Variants in SFN observed in about 807,000 individuals in gnomAD.
SFN encodes the protein 14-3-3 protein sigma.
SFN carries 5 observed loss-of-function variants against 19.1 expected under a neutral mutation model. The observed-to-expected ratio is 0.26, with a 90% CI of 0.14 to 0.55. SFN has a LOEUF of 0.55. SFN is among the 20% of genes least tolerant of loss of function. The probability of loss-of-function intolerance (pLI) is 0.94; values close to 1 mark genes in which losing one functional copy is unlikely to be tolerated. For synonymous variants in SFN, 130 were observed against 140.9 expected (o/e 0.92, Z 0.55); for missense variants, 287 against 330.0 (o/e 0.87, Z 1.01).
Position 26,863,642 on chromosome 1 carries a change from A to G in SFN, c.430A>G (p.Ile144Val), listed in dbSNP as rs1317136406. The change falls in exon 1 of 1, where the codon ATT (isoleucine) becomes GTT (valine). Residue 144 changes from isoleucine to valine, a missense_variant. Transcript: ENST00000339276. The surrounding 1 kb of genome is among the most constrained non-coding windows in gnomAD (Gnocchi z 7.4). ...VATGDDKKRIIDSARSAYQEA... is the reference protein window; with the variant it reads ...VATGDDKKRIVDSARSAYQEA... The stretch of plus-strand genomic sequence containing the variant: ...CACCGGTGACGACAAGAAGCGCATC[A>G]TTGACTCAGCCCGGTCAGCCTACCA... 6 of 1,613,934 alleles carry G rather than the reference A, an allele frequency of 3.7e-6. No homozygotes were observed. The highest frequency in any genetic ancestry group is 3.3e-5 in the Admixed American group (2 of 60,000).
Position 26,863,208 on chromosome 1 carries a change from G to T in SFN, c.-5G>T. On this transcript the variant is annotated 5_prime_UTR_variant, in exon 1 of 1. Transcript: ENST00000339276. This position sits in a 1 kb window ranked among gnomAD's most constrained non-coding sequence, Gnocchi z 7.4. Reference sequence around the variant, plus strand: ...CCCGCCGCCCGCCTGTGTGTCCCCAGAGCCATGGAGAGAGCCAGTCTGATC... The same window carrying T: ...CCCGCCGCCCGCCTGTGTGTCCCCATAGCCATGGAGAGAGCCAGTCTGATC... The T allele has an allele frequency of 4.3e-6, 7 of 1,613,726 alleles. No individual in the cohort carries two copies. The highest frequency in any genetic ancestry group is 5.1e-6 in the Non-Finnish European group (6 of 1,179,914).
Position 26,863,950 on chromosome 1 carries a change from CCA to C in SFN, c.739_740del (p.Gln247GlufsTer68). The C allele has an allele frequency of 6.2e-7, 1 of 1,610,074 alleles. No homozygotes were observed. ...AGGGGGGCGAGGCTCCCCAGGAGCC[CCA>C]GAGCTGAGTGTTGCCCGCCACCGCC... ...EEGGEAPQEPQS is the reference protein window; with the variant it reads ...EEGGEAPQEPXS On this transcript the variant is annotated frameshift_variant, in exon 1 of 1. Coordinates refer to ENST00000339276, the MANE Select transcript of SFN (RefSeq NM_006142.5). LOFTEE classifies it high-confidence loss of function. The surrounding 1 kb of genome is among the most constrained non-coding windows in gnomAD (Gnocchi z 7.4).
chr1:26,864,174 A>C lies in SFN; in HGVS notation c.*215A>C. ...GCACCTAACCACTGGTCATGCCCCC[A>C]CCCCTGCTCTCCGCACCCGCTTCCT... is the stretch of plus-strand genomic sequence containing the variant. On this transcript the variant is annotated 3_prime_UTR_variant, in exon 1 of 1. Transcript: ENST00000339276. This position sits in a 1 kb window ranked among gnomAD's most constrained non-coding sequence, Gnocchi z 5.2. 3.6e-6 allele frequency: 2 copies of C among 550,882 alleles called. No individual in the cohort carries two copies. The highest frequency in any genetic ancestry group is 3.0e-5 in the East Asian group (1 of 32,990). The allele number at this position is 550,882 out of a possible 1,614,324, so 34.1% of individuals were successfully genotyped here.
At position 26,863,828 on chromosome 1, in the gene SFN, C is replaced by T. The variant is rs1462232360; in HGVS notation, c.616C>T (p.His206Tyr). 1 of 1,614,162 alleles carries T rather than the reference C, an allele frequency of 6.2e-7. No homozygotes were observed. Among genetic ancestry groups the T allele is most frequent in the East Asian group, 2.2e-5 (1 of 44,886 alleles). ...TTTCGACGAGGCCATGGCTGATCTG[C>T]ACACCCTCAGCGAGGACTCCTACAA... ...TTFDEAMADL[H>Y]TLSEDSYKDS... The change falls in exon 1 of 1, where the codon CAC becomes TAC. Residue 206 changes from histidine to tyrosine, a missense_variant. Physicochemically the swap from His to Tyr is moderately conservative, Grantham distance 83 (BLOSUM62 2). Coordinates refer to ENST00000339276, the MANE Select transcript of SFN (RefSeq NM_006142.5). The surrounding 1 kb of genome is among the most constrained non-coding windows in gnomAD (Gnocchi z 7.4).
Position 26,863,953 on chromosome 1 carries a change from G to C in SFN, c.741G>C (p.Gln247His). ...GGGGCGAGGCTCCCCAGGAGCCCCA[G>C]AGCTGAGTGTTGCCCGCCACCGCCC... ...EEGGEAPQEPQS is the reference protein window; with the variant it reads ...EEGGEAPQEPHS The change falls in exon 1 of 1, where the codon CAG (glutamine) becomes CAC (histidine). Residue 247 changes from glutamine to histidine, a missense_variant. By Grantham distance (24) the Gln-to-His change is conservative. Transcript: ENST00000339276. This position sits in a 1 kb window ranked among gnomAD's most constrained non-coding sequence, Gnocchi z 7.4. 6.2e-7 allele frequency: 1 copy of C among 1,609,510 alleles called. No homozygotes were observed.
At position 26,863,260 on chromosome 1, in the gene SFN, C is replaced by T. The variant is rs1305468192; in HGVS notation, c.48C>T (p.Ala16=). 3.1e-6 allele frequency: 5 copies of T among 1,614,072 alleles called. No homozygotes were observed. Among genetic ancestry groups the T allele is most frequent in the Non-Finnish European group, 4.2e-6 (5 of 1,180,044 alleles). ...AGAAGGCCAAGCTGGCAGAGCAGGC[C>T]GAACGCTATGAGGACATGGCAGCCT... is the stretch of plus-strand genomic sequence containing the variant. The part of the protein sequence containing the change: ...LIQKAKLAEQ[A]ERYEDMAAFM... Residue 16 remains alanine (A), a synonymous_variant, in exon 1 of 1, where the codon GCC becomes GCT. Coordinates refer to ENST00000339276, the MANE Select transcript of SFN (RefSeq NM_006142.5). The surrounding 1 kb of genome is among the most constrained non-coding windows in gnomAD (Gnocchi z 7.4).
rs2081773615 is a variant in SFN at position 26,863,985 on chromosome 1, G to GC, written c.*31dup. The stretch of plus-strand genomic sequence containing the variant: ...GTGTTGCCCGCCACCGCCCCGCCCT[G>GC]CCCCCTCCAGTCCCCCACCCTGCCG... On this transcript the variant is annotated 3_prime_UTR_variant, in exon 1 of 1. Transcript: ENST00000339276. This position sits in a 1 kb window ranked among gnomAD's most constrained non-coding sequence, Gnocchi z 7.4. 1 of 1,528,176 alleles carries GC rather than the reference G, an allele frequency of 6.5e-7. No homozygotes were observed. Among genetic ancestry groups the GC allele is most frequent in the Non-Finnish European group, 8.8e-7 (1 of 1,134,726 alleles). The allele number at this position is 1,528,176 out of a possible 1,614,324, so 94.7% of individuals were successfully genotyped here.
At position 26,863,710 on chromosome 1, in the gene SFN, C is replaced by T; in HGVS notation, c.498C>T (p.Asn166=). The stretch of plus-strand genomic sequence containing the variant: ...GCAAGAAGGAGATGCCGCCCACCAA[C>T]CCCATCCGCCTGGGCCTGGCCCTGA... ...DISKKEMPPT[N]PIRLGLALNF... is the part of the protein sequence containing the mutation. The change falls in exon 1 of 1, where the codon AAC becomes AAT. Residue 166 remains asparagine, a synonymous_variant. Coordinates refer to ENST00000339276, the MANE Select transcript of SFN (RefSeq NM_006142.5). The surrounding 1 kb of genome is among the most constrained non-coding windows in gnomAD (Gnocchi z 7.4). 1 of 1,614,148 alleles carries T rather than the reference C, an allele frequency of 6.2e-7. No homozygotes were observed. The highest frequency in any genetic ancestry group is 8.5e-7 in the Non-Finnish European group (1 of 1,180,022).
chr1:26,863,495 G>A lies in SFN; in HGVS notation c.283G>A (p.Val95Met), dbSNP rs1338746196. 3.7e-6 allele frequency: 6 copies of A among 1,613,946 alleles called. No individual in the cohort carries two copies. Among genetic ancestry groups the A allele is most frequent in the Non-Finnish European group, 5.1e-6 (6 of 1,180,020 alleles). The change falls in exon 1 of 1, where the codon GTG becomes ATG. Residue 95 changes from valine to methionine, a missense_variant. By Grantham distance (21) the Val-to-Met change is conservative (BLOSUM62 1). Transcript: ENST00000339276. This position sits in a 1 kb window ranked among gnomAD's most constrained non-coding sequence, Gnocchi z 7.4. ...REKVETELQG[V>M]CDTVLGLLDS... ...GAAGGTGGAGACTGAGCTCCAGGGC[G>A]TGTGCGACACCGTGCTGGGCCTGCT...
Position 26,863,355 on chromosome 1 carries a change from A to G in SFN, c.143A>G (p.Tyr48Cys), listed in dbSNP as rs754798184. ...CEERNLLSVA[Y>C]KNVVGGQRAA... ...GAGCGAAACCTGCTCTCAGTAGCCTATAAGAACGTGGTGGGCGGCCAGAGG... is the reference window on the plus strand; with the variant it reads ...GAGCGAAACCTGCTCTCAGTAGCCTGTAAGAACGTGGTGGGCGGCCAGAGG... Residue 48 changes from tyrosine (Y) to cysteine (C), a missense_variant, in exon 1 of 1, where the codon TAT (tyrosine) becomes TGT (cysteine). By Grantham distance (194) the Tyr-to-Cys change is radical (BLOSUM62 -2). Transcript: ENST00000339276. This position sits in a 1 kb window ranked among gnomAD's most constrained non-coding sequence, Gnocchi z 7.4. 4 of 1,614,118 alleles carry G rather than the reference A, an allele frequency of 2.5e-6. No individual in the cohort carries two copies. Among genetic ancestry groups the G allele is most frequent in the South Asian group, 2.2e-5 (2 of 91,080 alleles).
Position 26,863,399 on chromosome 1 carries a change from T to C in SFN, c.187T>C (p.Ser63Pro), listed in dbSNP as rs777455603. ...GGQRAAWRVL[S>P]SIEQKSNEEG... ...CCAGAGGGCTGCCTGGAGGGTGCTGTCCAGTATTGAGCAGAAAAGCAACGA... is the reference window on the plus strand; with the variant it reads ...CCAGAGGGCTGCCTGGAGGGTGCTGCCCAGTATTGAGCAGAAAAGCAACGA... The change falls in exon 1 of 1, where the codon TCC becomes CCC. Residue 63 changes from serine to proline, a missense_variant. Coordinates refer to ENST00000339276, the MANE Select transcript of SFN (RefSeq NM_006142.5). The surrounding 1 kb of genome is among the most constrained non-coding windows in gnomAD (Gnocchi z 7.4). 1 of 1,613,934 alleles carries C rather than the reference T, an allele frequency of 6.2e-7. No individual in the cohort carries two copies. The highest frequency in any genetic ancestry group is 1.7e-5 in the Admixed American group (1 of 60,002).
In SFN at chr1:26,863,303, G is replaced by C. The variant is rs368467494; in HGVS notation, c.91G>C (p.Glu31Gln). 14 of 1,614,102 alleles carry C rather than the reference G, an allele frequency of 8.7e-6. No individual in the cohort carries two copies. The highest frequency in any genetic ancestry group is 1.3e-5 in the African/African-American group (1 of 74,950). Reference sequence around the variant, plus strand: ...GGCAGCCTTCATGAAAGGCGCCGTGGAGAAGGGCGAGGAGCTCTCCTGCGA... The same window carrying C: ...GGCAGCCTTCATGAAAGGCGCCGTGCAGAAGGGCGAGGAGCTCTCCTGCGA... ...DMAAFMKGAV[E>Q]KGEELSCEER... Residue 31 changes from glutamate (E) to glutamine (Q), a missense_variant, in exon 1 of 1, where the codon GAG becomes CAG. By Grantham distance (29) the Glu-to-Gln change is conservative. Transcript: ENST00000339276. This position sits in a 1 kb window ranked among gnomAD's most constrained non-coding sequence, Gnocchi z 7.4.
In SFN at chr1:26,863,783, A is replaced by G. The variant is rs568387371; in HGVS notation, c.571A>G (p.Ile191Val). 9.3e-6 allele frequency: 15 copies of G among 1,613,548 alleles called. No individual in the cohort carries two copies. In the East Asian group the frequency reaches 3.1e-4, roughly 34 times the overall value. The change falls in exon 1 of 1, where the codon ATC becomes GTC. Residue 191 changes from isoleucine to valine, a missense_variant. By Grantham distance (29) the Ile-to-Val change is conservative. Transcript: ENST00000339276. This position sits in a 1 kb window ranked among gnomAD's most constrained non-coding sequence, Gnocchi z 7.4. The part of the protein sequence containing the change: ...YEIANSPEEA[I>V]SLAKTTFDEA... ...GATCGCCAACAGCCCCGAGGAGGCC[A>G]TCTCTCTGGCCAAGACCACTTTCGA...
In SFN at chr1:26,863,583, A is replaced by C; in HGVS notation, c.371A>C (p.Lys124Thr). ...AGCCGGGTCTTCTACCTGAAGATGA[A>C]GGGTGACTACTACCGCTACCTGGCC... ...AESRVFYLKM[K>T]GDYYRYLAEV... Residue 124 changes from lysine to threonine, a missense_variant, in exon 1 of 1, where the codon AAG (lysine) becomes ACG (threonine). Lys to Thr is a moderately conservative substitution (Grantham distance 78, BLOSUM62 -1). Coordinates refer to ENST00000339276, the MANE Select transcript of SFN (RefSeq NM_006142.5). The surrounding 1 kb of genome is among the most constrained non-coding windows in gnomAD (Gnocchi z 7.4). 2 of 1,614,060 alleles carry C rather than the reference A, an allele frequency of 1.2e-6. No individual in the cohort carries two copies. The highest frequency in any genetic ancestry group is 3.3e-5 in the Admixed American group (2 of 60,018).
chr1:26,863,714 A>C lies in SFN; in HGVS notation c.502A>C (p.Ile168Leu). The change falls in exon 1 of 1, where the codon ATC (isoleucine) becomes CTC (leucine). Residue 168 changes from isoleucine (I) to leucine (L), a missense_variant. By Grantham distance (5) the Ile-to-Leu change is conservative. Coordinates refer to ENST00000339276, the MANE Select transcript of SFN (RefSeq NM_006142.5). This position sits in a 1 kb window ranked among gnomAD's most constrained non-coding sequence, Gnocchi z 7.4. Reference sequence around the variant, plus strand: ...GAAGGAGATGCCGCCCACCAACCCCATCCGCCTGGGCCTGGCCCTGAACTT... The same window carrying C: ...GAAGGAGATGCCGCCCACCAACCCCCTCCGCCTGGGCCTGGCCCTGAACTT... ...SKKEMPPTNP[I>L]RLGLALNFSV... 6.2e-7 allele frequency: 1 copy of C among 1,613,772 alleles called. No individual in the cohort carries two copies. Among genetic ancestry groups the C allele is most frequent in the East Asian group, 2.2e-5 (1 of 44,838 alleles).
chr1:26,863,378 A>C lies in SFN; in HGVS notation c.166A>C (p.Arg56=). The C allele has an allele frequency of 6.2e-7, 1 of 1,613,894 alleles. No individual in the cohort carries two copies. The highest frequency in any genetic ancestry group is 8.5e-7 in the Non-Finnish European group (1 of 1,179,828). ...VAYKNVVGGQ[R]AAWRVLSSIE... ...CTATAAGAACGTGGTGGGCGGCCAG[A>C]GGGCTGCCTGGAGGGTGCTGTCCAG... The change falls in exon 1 of 1, where the codon AGG becomes CGG. Residue 56 remains arginine (R), a synonymous_variant. Coordinates refer to ENST00000339276, the MANE Select transcript of SFN (RefSeq NM_006142.5). The surrounding 1 kb of genome is among the most constrained non-coding windows in gnomAD (Gnocchi z 7.4).
rs1235257221 is a variant in SFN, at chr1:26,864,175, C to G, written c.*216C>G. On this transcript the variant is annotated 3_prime_UTR_variant, in exon 1 of 1. Coordinates refer to ENST00000339276, the MANE Select transcript of SFN (RefSeq NM_006142.5). This position sits in a 1 kb window ranked among gnomAD's most constrained non-coding sequence, Gnocchi z 5.2. ...CACCTAACCACTGGTCATGCCCCCA[C>G]CCCTGCTCTCCGCACCCGCTTCCTC... 2 of 563,162 alleles carry G rather than the reference C, an allele frequency of 3.6e-6. No homozygotes were observed. The highest frequency in any genetic ancestry group is 6.0e-5 in the East Asian group (2 of 33,506). 34.9% of individuals were successfully genotyped at this position (563,162 alleles called of 1,614,324 possible).
Position 26,864,102 on chromosome 1 carries a change from G to A in SFN, c.*143G>A. ...TCCGTGGAGAGGGACTGGCAGAGCT[G>A]AGGCCACCTGGGGCTGGGGATCCCA... On this transcript the variant is annotated 3_prime_UTR_variant, in exon 1 of 1. Coordinates refer to ENST00000339276, the MANE Select transcript of SFN (RefSeq NM_006142.5). This position sits in a 1 kb window ranked among gnomAD's most constrained non-coding sequence, Gnocchi z 5.2. 1.4e-6 allele frequency: 1 copy of A among 736,198 alleles called. No individual in the cohort carries two copies. The highest frequency in any genetic ancestry group is 2.2e-6 in the Non-Finnish European group (1 of 449,884). 45.6% of individuals were successfully genotyped at this position (736,198 alleles called of 1,614,324 possible). A position where few individuals can be genotyped will look rare whatever the true frequency, so the allele number is the denominator to read the frequency against.
rs2081775591 is a variant in SFN, at chr1:26,864,330, G to GGTGGGT, written c.*374_*375insGGTGTG. 1 of 201,010 alleles carries GGTGGGT rather than the reference G, an allele frequency of 5.0e-6. No homozygotes were observed. The highest frequency in any genetic ancestry group is 2.4e-5 in the African/African-American group (1 of 40,862). 12.5% of individuals were successfully genotyped at this position (201,010 alleles called of 1,614,324 possible). A position where few individuals can be genotyped will look rare whatever the true frequency, so the allele number is the denominator to read the frequency against. On this transcript the variant is annotated 3_prime_UTR_variant, in exon 1 of 1. Transcript: ENST00000339276. The surrounding 1 kb of genome is among the most constrained non-coding windows in gnomAD (Gnocchi z 5.2). ...TGGACAGTGGCAGGGGCTGGAGATG[G>GGTGGGT]GTGTGTGTGTGTGTGTGTGTGTGTG...
Sources: gnomAD v4.1 joint callset for allele counts on GRCh38, gnomAD v4.1.1 for gene constraint, Gnocchi (gnomAD v3.1) non-coding constraint, MANE v1.5 for transcripts, NCBI Gene and HGNC (gene_info 2026-07-23, HGNC 2026-07-21) for gene names.